MRPS27: variants seen among roughly 807,000 people sequenced by gnomAD.
The protein encoded by MRPS27 is small ribosomal subunit protein mS27.
Under a neutral mutation model 48.9 loss-of-function variants are expected in MRPS27, and 43 were observed. The observed-to-expected ratio is 0.88, with a 90% CI of 0.69 to 1.13. The LOEUF (loss-of-function observed/expected upper bound fraction) is 1.13. Among genes scored for constraint, MRPS27 ranks in the 50% most tolerant of loss-of-function variants. The pLI is 0.00. For synonymous variants in MRPS27, 188 were observed against 171.9 expected (o/e 1.09, Z -0.73); for missense variants, 467 against 476.3 (o/e 0.98, Z 0.18).
rs148061767 is a variant in MRPS27 at position 72,306,368 on chromosome 5, C to T, written c.151+7713G>A. 2.6e-5 allele frequency among the ~76,000 whole-genome samples: 4 copies of T among 152,328 alleles called. No homozygotes were observed. The East Asian group carries it at 5.8e-4, about 22-fold the overall frequency. On this transcript the variant is annotated intron_variant, in intron 2 of 10. Coordinates refer to ENST00000261413, the MANE Select transcript of MRPS27 (RefSeq NM_015084.3). Reference sequence around the variant, plus strand: ...GTGTGCTTACTGACACAAGTAAACACTTACTATGAAGTATTTATACCAAAA... The same window carrying T: ...GTGTGCTTACTGACACAAGTAAACATTTACTATGAAGTATTTATACCAAAA...
intron 1 of MRPS27, among the ~76,000 whole-genome samples, chr5:72,319,736 GGGGTTTC>G (rs1400009836): frequency 1.3e-5 from 2 of 152,024 alleles, no homozygotes; most frequent in Non-Finnish European, 2.9e-5. Context: ...TAGTAGAGAT[GGGGTTTC>G]GCCCTGTTGG....
rs374217681 is a variant in MRPS27, at chr5:72,320,126, C to A, written c.73+23G>T. The A allele has an allele frequency of 3.7e-6, 6 of 1,608,704 alleles. No individual in the cohort carries two copies. The African/African-American group carries it at 8.0e-5, about 22-fold the overall frequency. On this transcript the variant is annotated intron_variant, in intron 1 of 10. Transcript: ENST00000261413. ...ACCCAAAAAACAGAATAATCAGGGG[C>A]CTAATGAAGCTGTCCGGCCAACCTG...
rs1442166396 is a variant in MRPS27 at position 72,237,731 on chromosome 5, C to T, written c.396+283G>A. Among the ~76,000 whole-genome samples, 3 of 152,030 alleles carry T rather than the reference C, an allele frequency of 2.0e-5. No individual in the cohort carries two copies. The East Asian group carries it at 5.8e-4, about 29-fold the overall frequency. The stretch of plus-strand genomic sequence containing the variant: ...AAGGAAACAGGCAAGAAATCTAAGG[C>T]TTAGCAACCGAGAATGAAATGACCA... On this transcript the variant is annotated intron_variant, in intron 5 of 10. Coordinates refer to ENST00000261413, the MANE Select transcript of MRPS27 (RefSeq NM_015084.3).
intron 4 of MRPS27, among the ~76,000 whole-genome samples, chr5:72,247,568 G>A (rs1748540706): frequency 6.6e-6 from 1 of 152,074 alleles, no homozygotes; most frequent in Non-Finnish European, 1.5e-5. Flanking sequence ...AAAATTTCAA[G>A]GTGAAATGAT....
intron 8 of MRPS27, chr5:72,228,064 C>T: frequency 1.8e-6 from 1 of 566,428 alleles, no homozygotes; most frequent in South Asian, 2.5e-5. Flanking sequence ...CTTGCTTTGC[C>T]AGTGATGGCA....
chr5:72,302,394 C>T (rs1291114163), intron 2 of MRPS27, among the ~76,000 whole-genome samples: 1 of 152,126 alleles, frequency 6.6e-6, no homozygotes, highest in Admixed American at 6.5e-5. Flanking sequence ...TAAACAATAG[C>T]CCCAGAAGAT....
intron 7 of MRPS27, chr5:72,229,026 C>A (rs1024635263): frequency 6.6e-6 from 1 of 152,168 alleles, no homozygotes; most frequent in Non-Finnish European, 1.5e-5. Flanking sequence ...CATTGCTACA[C>A]CTGCTGCAGA....
chr5:72,290,977 T>C (rs748217247), intron 4 of MRPS27, among the ~76,000 whole-genome samples: 2 of 152,060 alleles, frequency 1.3e-5, no homozygotes, highest in Non-Finnish European at 2.9e-5. Flanking sequence ...GATGGTGATA[T>C]CAAAATAAAG....
At chr5:72,241,778 G>A in intron 4 of MRPS27, 1 of 1,258,050 alleles carries the variant, frequency 7.9e-7, no homozygotes, top group Non-Finnish European at 1.1e-6. Flanking sequence ...GTTCTCGCCT[G>A]CTCTGACCAC....
chr5:72,311,073 T>G (rs1297442054), intron 2 of MRPS27, among the ~76,000 whole-genome samples: 1 of 152,228 alleles, frequency 6.6e-6, no homozygotes, highest in Admixed American at 6.5e-5. Flanking sequence ...GATAAGGAAC[T>G]ATGATTCTAG....
intron 2 of MRPS27, among the ~76,000 whole-genome samples, chr5:72,299,958 C>T (rs1441237607): frequency 6.6e-6 from 1 of 152,194 alleles, no homozygotes; most frequent in East Asian, 1.9e-4. Context: ...CATTCTGTTA[C>T]AAAGGTTGAA....
intron 1 of MRPS27, among the ~76,000 whole-genome samples, chr5:72,315,680 A>T (rs1750548196): frequency 6.6e-6 from 1 of 152,322 alleles, no homozygotes; most frequent in East Asian, 1.9e-4. Flanking sequence ...TCACCTGGAG[A>T]AACGAATGAT....
chr5:72,314,189 A>G (rs376296315), intron 1 of MRPS27, 31 bp from the exon 2 acceptor site: 1 of 1,516,098 alleles, frequency 6.6e-7, no homozygotes. Context: ...TTCAACACAC[A>G]TGGTTTTACA....
At chr5:72,297,128 T>C (rs1479980283) in intron 3 of MRPS27, among the ~76,000 whole-genome samples, 1 of 152,186 alleles carries the variant, frequency 6.6e-6, no homozygotes, top group Non-Finnish European at 1.5e-5. Flanking sequence ...AAATAATGTA[T>C]GTTAAGGAAC....
At chr5:72,302,710 T>C (rs544351409) in intron 2 of MRPS27, among the ~76,000 whole-genome samples, 26 of 152,326 alleles carry the variant, frequency 1.7e-4, no homozygotes, top group South Asian at 4.1e-4. Flanking sequence ...AGCAGTCCTT[T>C]TGAGAGCATG....
Position 72,220,775 on chromosome 5 carries a change from T to A in MRPS27, c.*134A>T, listed in dbSNP as rs536863553. 2.3e-6 allele frequency: 3 copies of A among 1,308,458 alleles called. No homozygotes were observed. In the African/African-American group the frequency reaches 4.4e-5, roughly 19 times the overall value. 81.1% of individuals were successfully genotyped at this position (1,308,458 alleles called of 1,614,324 possible). On this transcript the variant is annotated 3_prime_UTR_variant, in exon 11 of 11. Transcript: ENST00000261413. The stretch of plus-strand genomic sequence containing the variant: ...GATGGGCAGTCATGGTGCCTTGCCA[T>A]GTAGGGCACATAGCCTGCTTTAAGA...
intron 4 of MRPS27, among the ~76,000 whole-genome samples, chr5:72,260,717 T>TTA (rs1388319287): frequency 2.6e-5 from 4 of 152,194 alleles, no homozygotes; most frequent in Non-Finnish European, 5.9e-5. Context: ...AAATCTAGTC[T>TTA]AATAATGAAA....
intron 2 of MRPS27, among the ~76,000 whole-genome samples, chr5:72,313,606 G>A (rs115180030): frequency 8.2e-4 from 125 of 152,268 alleles, no homozygotes; most frequent in African/African-American, 2.8e-3. Flanking sequence ...CCCAAAGCCT[G>A]GGAAGATGTT....
intron 2 of MRPS27, among the ~76,000 whole-genome samples, chr5:72,303,751 A>T (rs1184218094): frequency 1.3e-5 from 2 of 152,094 alleles, no homozygotes; most frequent in East Asian, 3.9e-4. Context: ...GATTATCTTT[A>T]AAAAATAAGG....
Sources: allele counts gnomAD v4.1 joint callset (sites outside exome capture counted in the v4.1 genomes callset), GRCh38; gene constraint gnomAD v4.1.1; transcripts MANE v1.5; gene names NCBI Gene and HGNC (gene_info 2026-07-23, HGNC 2026-07-21).